Variants in TP53I13 observed in about 807,000 individuals in gnomAD.
The protein encoded by TP53I13 is tumor protein p53 inducible protein 13.
TP53I13 carries 27 observed loss-of-function variants against 39.1 expected under a neutral mutation model. The ratio of observed to expected loss-of-function variants is 0.69; its 90% CI spans 0.51 to 0.95. The LOEUF (loss-of-function observed/expected upper bound fraction) is 0.95, where lower values mean the gene tolerates loss of function less well. Ranked by LOEUF, TP53I13 falls within the 40% of genes least tolerant of loss-of-function variation. TP53I13 has a pLI of 0.00. For synonymous variants in TP53I13, 230 were observed against 224.6 expected, an observed-to-expected ratio of 1.02 and a Z score of -0.22; for missense variants, 544 against 520.4, an observed-to-expected ratio of 1.05 and a Z score of -0.44.
intron 6 of TP53I13, 48 bp downstream of exon 6, chr17:29,572,745 C>T (rs1240300323): frequency 2.0e-6 from 3 of 1,490,078 alleles, no homozygotes; most frequent in East Asian, 2.5e-5. Flanking sequence ...CCCCACCTCG[C>T]GTCGCCCGCC....
rs1176465882 is a variant in TP53I13 at position 29,572,794 on chromosome 17, T to A, written c.1070-18T>A. 5.4e-6 allele frequency: 8 copies of A among 1,468,196 alleles called. No homozygotes were observed. The Admixed American group carries it at 1.4e-4, about 26-fold the overall frequency. 90.9% of individuals were successfully genotyped at this position (1,468,196 alleles called of 1,614,324 possible). A position where few individuals can be genotyped will look rare whatever the true frequency, so the allele number is the denominator to read the frequency against. ...TCCCTGCCCTCCCGCCCTTGACTGC[T>A]CGGCGCCCGGCCCACAGCTGTGCTG... On this transcript the variant is annotated intron_variant, in intron 6 of 6. Coordinates refer to ENST00000301057, the MANE Select transcript of TP53I13 (RefSeq NM_138349.4).
chr17:29,579,010 A>C, the TP53I13 span: 1 of 1,613,436 alleles, frequency 6.2e-7, no homozygotes, highest in African/African-American at 1.3e-5. Flanking sequence ...GGAAGGCAGC[A>C]GAGGGAAGAA....
At position 29,568,967 on chromosome 17, in the gene TP53I13, G is replaced by T. The variant is rs748233257; in HGVS notation, c.73-51G>T. 8.2e-6 allele frequency: 13 copies of T among 1,590,946 alleles called. No homozygotes were observed. Among genetic ancestry groups the T allele is most frequent in the Non-Finnish European group, 9.4e-6 (11 of 1,170,272 alleles). ...GCGGGCTGGGCCTGGGGAGAGAGAG[G>T]GCAGGGCCTCGCCGCGTCCAGCGCC... On this transcript the variant is annotated intron_variant, in intron 1 of 6. Transcript: ENST00000301057. This position sits in a 1 kb window ranked among gnomAD's most constrained non-coding sequence, Gnocchi z 4.5.
chr17:29,566,683 G>C (rs1318424330), upstream of TP53I13: 1 of 1,591,212 alleles, frequency 6.3e-7, no homozygotes, highest in East Asian at 2.3e-5. Context: ...GCGCGGGCCG[G>C]CCTCCAGCGC....
At chr17:29,568,693 C>G, upstream of TP53I13, 2 of 1,093,708 alleles carry the variant, frequency 1.8e-6, no homozygotes, top group Non-Finnish European at 2.2e-6. The surrounding 1 kb of genome is among the most constrained non-coding windows in gnomAD (Gnocchi z 4.5). Flanking sequence ...GCTGGAGGGG[C>G]GGGGCGCGCG....
rs1189114997 is a variant in TP53I13, at chr17:29,569,353, A to T, written c.177A>T (p.Pro59=). The change falls in exon 3 of 7, where the codon CCA becomes CCT. Residue 59 remains proline, a synonymous_variant. Coordinates refer to ENST00000301057, the MANE Select transcript of TP53I13 (RefSeq NM_138349.4). ...SPRVTYTRVS[P]GQAEDVTFLY... ...GAGTGACCTACACACGAGTGAGCCC[A>T]GGGCAGGTGAGTACAAGCAGGGGCC... 6.2e-7 allele frequency: 1 copy of T among 1,613,642 alleles called. No individual in the cohort carries two copies. The highest frequency in any genetic ancestry group is 2.2e-5 in the East Asian group (1 of 44,884).
downstream of TP53I13, chr17:29,575,770 G>GGCC: frequency 6.2e-7 from 1 of 1,607,206 alleles, no homozygotes; most frequent in South Asian, 1.1e-5. The surrounding 1 kb of genome is among the most constrained non-coding windows in gnomAD (Gnocchi z 5.5). Context: ...TAGCCCACAC[G>GGCC]GCCCCCAGCC....
chr17:29,572,040 C>G lies in TP53I13; in HGVS notation c.496C>G (p.Arg166Gly), dbSNP rs777746924. The change falls in exon 5 of 7, where the codon CGA (arginine) becomes GGA (glycine). Residue 166 changes from arginine (R) to glycine (G), a missense_variant. Coordinates refer to ENST00000301057, the MANE Select transcript of TP53I13 (RefSeq NM_138349.4). ...EPTPGRGRLC[R>G]RGCVQALALA... ...AACTCCCGGTAGAGGGAGGCTGTGC[C>G]GAAGAGGGTGTGTGCAGGTGAGAGA... 18 of 1,612,972 alleles carry G rather than the reference C, an allele frequency of 1.1e-5. No individual in the cohort carries two copies. The highest frequency in any genetic ancestry group is 3.3e-5 in the South Asian group (3 of 91,080).
downstream of TP53I13, among the ~76,000 whole-genome samples, chr17:29,577,916 C>T (rs539040017): frequency 1.1e-3 from 167 of 152,350 alleles, 1 homozygote; most frequent in Non-Finnish European, 2.0e-3. Flanking sequence ...CAAGGCTGGG[C>T]GTGGCCGGCT....
At chr17:29,574,558 AGGGCACCT>A (rs1212790279), downstream of TP53I13, 1 of 756,262 alleles carries the variant, frequency 1.3e-6, no homozygotes, top group African/African-American at 1.7e-5. Context: ...GGTGGGCACC[AGGGCACCT>A]GGCTGCCAGG....
At chr17:29,575,088 G>A, downstream of TP53I13, 2 of 1,597,494 alleles carry the variant, frequency 1.3e-6, no homozygotes, top group Non-Finnish European at 1.7e-6. The surrounding 1 kb of genome is among the most constrained non-coding windows in gnomAD (Gnocchi z 5.5). Flanking sequence ...CCTTTGGGAA[G>A]AGGGAGGCCA....
At chr17:29,576,888 C>A, downstream of TP53I13, 1 of 1,575,790 alleles carries the variant, frequency 6.3e-7, no homozygotes, top group Non-Finnish European at 8.6e-7. Context: ...CCGAGTGGCG[C>A]CGGTGCTGCG....
At chr17:29,575,367 C>G, downstream of TP53I13, 2 of 1,613,686 alleles carry the variant, frequency 1.2e-6, no homozygotes, top group Non-Finnish European at 1.7e-6. The surrounding 1 kb of genome is among the most constrained non-coding windows in gnomAD (Gnocchi z 5.5). Flanking sequence ...AAGATGACAT[C>G]CTCTGTGCTG....
chr17:29,577,106 T>C (rs373880201), downstream of TP53I13: 292 of 1,608,528 alleles, frequency 1.8e-4, no homozygotes, highest in Admixed American at 3.3e-4. Context: ...CCCCGCCTGC[T>C]TCCCACACCC....
downstream of TP53I13, chr17:29,577,329 T>C (rs2033245246): frequency 9.5e-7 from 1 of 1,052,154 alleles, no homozygotes. Context: ...TAGCAAGGCA[T>C]GGCTCTGCCA....
chr17:29,567,876 C>G (rs904272491), upstream of TP53I13, among the ~76,000 whole-genome samples: 5 of 152,118 alleles, frequency 3.3e-5, no homozygotes, highest in Non-Finnish European at 2.9e-5. This position sits in a 1 kb window ranked among gnomAD's most constrained non-coding sequence, Gnocchi z 6.6. Flanking sequence ...TTGGGATAGG[C>G]ATCTCGACCC....
At chr17:29,566,803 G>A (rs1394844308), upstream of TP53I13, 3 of 1,514,224 alleles carry the variant, frequency 2.0e-6, no homozygotes, top group Admixed American at 2.0e-5. Context: ...CTGGTCCGCC[G>A]GGCCTCCGCC....
chr17:29,566,711 C>A, upstream of TP53I13: 1 of 1,580,974 alleles, frequency 6.3e-7, no homozygotes, highest in Non-Finnish European at 8.5e-7. Flanking sequence ...CGCCGCAGGG[C>A]GCGCAGCAGG....
At chr17:29,582,042 G>A in the TP53I13 span, 2 of 1,611,516 alleles carry the variant, frequency 1.2e-6, no homozygotes, top group Non-Finnish European at 8.5e-7. Context: ...ACGTGCAGAG[G>A]TGTGGTGCCC....
Sources: allele counts gnomAD v4.1 joint callset (sites outside exome capture counted in the v4.1 genomes callset), GRCh38; gene constraint gnomAD v4.1.1; non-coding constraint Gnocchi (gnomAD v3.1); transcripts MANE v1.5; gene names NCBI Gene and HGNC (gene_info 2026-07-23, HGNC 2026-07-21).